Variants in FAM107B observed in about 807,000 individuals in gnomAD.
FAM107B encodes the protein protein FAM107B.
In FAM107B, 21 loss-of-function variants were observed where a neutral mutation model predicts 31.5. That is an observed-to-expected ratio of 0.67 (90% confidence interval 0.47 to 0.96). The LOEUF is 0.96. FAM107B is among the 40% of genes least tolerant of loss of function. The pLI, the probability that FAM107B is intolerant of heterozygous loss-of-function variation, is 0.00. For missense variants in FAM107B, 452 were observed against 377.1 expected (o/e 1.20, Z -1.64); for synonymous variants, 157 against 141.5 (o/e 1.11, Z -0.78).
At chr10:14,701,279 C>CT (rs1421979233) in intron 1 of FAM107B, among the ~76,000 whole-genome samples, 3 of 152,084 alleles carry the variant, frequency 2.0e-5, no homozygotes, top group Non-Finnish European at 4.4e-5. Flanking sequence ...GACTCTCACT[C>CT]TGTCGTCCAG....
Position 14,670,461 on chromosome 10 carries a change from T to C in FAM107B, c.412-2770A>G, listed in dbSNP as rs74122896. 8.6e-3 allele frequency among the ~76,000 whole-genome samples: 1,310 copies of C among 152,334 alleles called. 17 individuals are homozygous for C. The highest frequency in any genetic ancestry group is 0.03 in the African/African-American group (1,242 of 41,564). ...GCAAATAAATGCAGTAAGTCATTTC[T>C]TGTTTCACAAGGCCTGACAGAACAG... On this transcript the variant is annotated intron_variant, in intron 1 of 4. Coordinates refer to ENST00000181796, the MANE Select transcript of FAM107B (RefSeq NM_031453.4).
At chr10:14,721,681 T>G (rs909369075) in intron 1 of FAM107B, among the ~76,000 whole-genome samples, 4 of 152,216 alleles carry the variant, frequency 2.6e-5, no homozygotes, top group Non-Finnish European at 5.9e-5. Context: ...TCACCCACTT[T>G]TTGTTGGGGT....
intron 2 of FAM107B, among the ~76,000 whole-genome samples, chr10:14,586,787 C>T (rs974112344): frequency 5.3e-5 from 8 of 152,188 alleles, no homozygotes; most frequent in Non-Finnish European, 7.3e-5. Flanking sequence ...CCCAGGGTCG[C>T]TCCTCCACTC....
At chr10:14,548,833 C>G (rs1385673732) in intron 2 of FAM107B, among the ~76,000 whole-genome samples, 1 of 61,182 alleles carries the variant, frequency 1.6e-5, no homozygotes, top group Non-Finnish European at 3.7e-5. Context: ...CACGCACACA[C>G]ACGCACACAC....
chr10:14,592,171 G>A lies in FAM107B; in HGVS notation c.470-61656C>T, dbSNP rs184334131. On this transcript the variant is annotated intron_variant, in intron 2 of 4. Transcript: ENST00000181796. ...CCAAACTGCATGCCCAGCCATCCCC[G>A]AGTTGAAAGGTCAGGGCCCAGCACA... Among the ~76,000 whole-genome samples the A allele has an allele frequency of 5.3e-5, 8 of 152,270 alleles. No homozygotes were observed. The East Asian group carries it at 1.4e-3, about 26-fold the overall frequency.
rs140518928 is a variant in FAM107B at position 14,535,560 on chromosome 10, T to C, written c.470-5045A>G. Among the ~76,000 whole-genome samples, 398 of 152,238 alleles carry C rather than the reference T, an allele frequency of 2.6e-3. 4 individuals carry two copies. Among genetic ancestry groups the C allele is most frequent in the African/African-American group, 9.3e-3 (386 of 41,572 alleles). ...GTTCAATGGTTCTTGGACCTATTCA[T>C]GCAACTAACATAAGAAGCTTCTGGA... On this transcript the variant is annotated intron_variant, in intron 2 of 4. Coordinates refer to ENST00000181796, the MANE Select transcript of FAM107B (RefSeq NM_031453.4).
At chr10:14,582,788 T>A (rs909710693) in intron 2 of FAM107B, among the ~76,000 whole-genome samples, 3 of 152,036 alleles carry the variant, frequency 2.0e-5, no homozygotes, top group African/African-American at 7.2e-5. Context: ...ATTTTATTGA[T>A]AAGAAAGACG....
At chr10:14,702,364 A>AT (rs1339220081) in intron 1 of FAM107B, among the ~76,000 whole-genome samples, 4 of 151,804 alleles carry the variant, frequency 2.6e-5, no homozygotes, top group Admixed American at 6.6e-5. Flanking sequence ...TGTTTATTTT[A>AT]TTTTTTTTGA....
At chr10:14,614,985 G>T (rs1852814656) in intron 2 of FAM107B, among the ~76,000 whole-genome samples, 1 of 152,154 alleles carries the variant, frequency 6.6e-6, no homozygotes, top group African/African-American at 2.4e-5. Flanking sequence ...AGACGGAGGG[G>T]AATCCAGGGC....
Position 14,774,482 on chromosome 10 carries a change from C to T in FAM107B, c.182G>A (p.Gly61Asp). Reference protein sequence around the residue: ...TVRVQPVAKAGRQPRHPSAEG... With the variant: ...TVRVQPVAKADRQPRHPSAEG... ...TGCGCTTGGGTGTCTTGGCTGTCTG[C>T]CTGCTTTGGCCACAGGCTGCACACG... Residue 61 changes from glycine (G) to aspartate (D), a missense_variant, in exon 1 of 5, where the codon GGC (glycine) becomes GAC (aspartate). Coordinates refer to ENST00000181796, the MANE Select transcript of FAM107B (RefSeq NM_031453.4). 1 of 1,614,196 alleles carries T rather than the reference C, an allele frequency of 6.2e-7. No individual in the cohort carries two copies. The highest frequency in any genetic ancestry group is 1.1e-5 in the South Asian group (1 of 91,078).
intron 2 of FAM107B, among the ~76,000 whole-genome samples, chr10:14,544,506 T>C (rs1848524505): frequency 6.6e-6 from 1 of 152,222 alleles, no homozygotes; most frequent in African/African-American, 2.4e-5. Flanking sequence ...TCATGAAGTT[T>C]TTCTTATTCC....
At chr10:14,665,870 C>T (rs1854391037) in intron 2 of FAM107B, among the ~76,000 whole-genome samples, 1 of 152,162 alleles carries the variant, frequency 6.6e-6, no homozygotes, top group South Asian at 2.1e-4. Flanking sequence ...ATATTGCGAA[C>T]ATAATTTGTT....
intron 1 of FAM107B, among the ~76,000 whole-genome samples, chr10:14,671,238 C>G (rs1564620763): frequency 6.6e-6 from 1 of 152,174 alleles, no homozygotes; most frequent in Admixed American, 6.5e-5. Context: ...TGTTCCAGGA[C>G]TGTTCCTTAG....
At chr10:14,562,077 C>T (rs1378777900) in intron 2 of FAM107B, among the ~76,000 whole-genome samples, 2 of 152,188 alleles carry the variant, frequency 1.3e-5, no homozygotes, top group African/African-American at 2.4e-5. Flanking sequence ...TGAGCCACTA[C>T]GCCCGGCCTT....
At chr10:14,632,662 C>G (rs1266330369) in intron 2 of FAM107B, among the ~76,000 whole-genome samples, 1 of 148,604 alleles carries the variant, frequency 6.7e-6, no homozygotes, top group Admixed American at 6.7e-5. Flanking sequence ...AGAATTATTA[C>G]GTAAAGAAAC....
rs531159292 is a variant in FAM107B at position 14,698,265 on chromosome 10, G to A, written c.412-30574C>T. On this transcript the variant is annotated intron_variant, in intron 1 of 4. Transcript: ENST00000181796. Reference sequence around the variant, plus strand: ...ATCATTGTGGTTTTGCTAGAAGAGAGGTCTAAATCTACTGAGGTCCATTCC... The same window carrying A: ...ATCATTGTGGTTTTGCTAGAAGAGAAGTCTAAATCTACTGAGGTCCATTCC... Among the ~76,000 whole-genome samples, 6 of 152,318 alleles carry A rather than the reference G, an allele frequency of 3.9e-5. No homozygotes were observed. The East Asian group carries it at 1.2e-3, about 29-fold the overall frequency.
At chr10:14,676,055 G>T (rs1281532055) in intron 1 of FAM107B, among the ~76,000 whole-genome samples, 1 of 152,142 alleles carries the variant, frequency 6.6e-6, no homozygotes, top group Admixed American at 6.5e-5. Flanking sequence ...CTACTTGGGG[G>T]GCTGAAGTGG....
At chr10:14,703,966 AAG>A (rs1004029058) in intron 1 of FAM107B, among the ~76,000 whole-genome samples, 3 of 152,240 alleles carry the variant, frequency 2.0e-5, no homozygotes, top group Admixed American at 2.0e-4. Context: ...GAGGAAAAGA[AAG>A]AGAAAAATGC....
At chr10:14,752,672 C>T (rs1382426458) in intron 1 of FAM107B, among the ~76,000 whole-genome samples, 1 of 152,166 alleles carries the variant, frequency 6.6e-6, no homozygotes, top group South Asian at 2.1e-4. Flanking sequence ...TGGTTCACAC[C>T]TGTAATCCCA....
Sources: gnomAD v4.1 joint callset for allele counts (sites outside exome capture counted in the v4.1 genomes callset) on GRCh38, gnomAD v4.1.1 for gene constraint, MANE v1.5 for transcripts, NCBI Gene and HGNC (gene_info 2026-07-23, HGNC 2026-07-21) for gene names.